The following RELL1 variants were observed in gnomAD, a reference collection of about 807,000 sequenced individuals.
RELL1 encodes RELT like 1.
Under a neutral mutation model 23.0 loss-of-function variants are expected in RELL1, and 10 were observed. That is an observed-to-expected ratio of 0.43 (90% CI 0.27 to 0.74). RELL1 has a LOEUF of 0.74. Among genes scored for constraint, RELL1 ranks in the 30% least tolerant of loss-of-function variants. The probability of loss-of-function intolerance (pLI) is 0.19; values close to 1 mark genes in which losing one functional copy is unlikely to be tolerated. For synonymous variants in RELL1, 146 were observed against 146.8 expected (o/e 0.99, Z 0.04); for missense variants, 315 against 364.4 (o/e 0.86, Z 1.10).
intron 6 of RELL1, among the ~76,000 whole-genome samples, chr4:37,598,724 AC>A (rs1373251659): frequency 6.6e-6 from 1 of 151,862 alleles, no homozygotes; most frequent in African/African-American, 2.4e-5. Flanking sequence ...TCGCTCTGTC[AC>A]CCAGGCTGGA....
chr4:37,651,057 CAA>C (rs370325360), intron 1 of RELL1, among the ~76,000 whole-genome samples: 3,410 of 120,728 alleles, frequency 0.028, 104 homozygotes, highest in African/African-American at 0.093. Flanking sequence ...AAGACTGTCT[CAA>C]AAAAAAAAAA....
chr4:37,615,667 C>T (rs1002691287), intron 6 of RELL1, among the ~76,000 whole-genome samples: 6 of 152,204 alleles, frequency 3.9e-5, no homozygotes, highest in Non-Finnish European at 8.8e-5. Context: ...ACAGTTTACA[C>T]AAGTGAGTAC....
intron 5 of RELL1, among the ~76,000 whole-genome samples, chr4:37,633,632 A>G (rs983528159): frequency 6.6e-6 from 1 of 152,176 alleles, no homozygotes; most frequent in Non-Finnish European, 1.5e-5. Context: ...CAGCCCTGCA[A>G]GTCTTCTCCA....
At chr4:37,588,354 T>G (rs139316354), downstream of RELL1, 180 of 155,032 alleles carry the variant, frequency 1.2e-3, 1 homozygote, top group East Asian at 0.011. Flanking sequence ...GCCTGAATCA[T>G]GGGACACAAT....
At chr4:37,635,222 G>GAA in intron 4 of RELL1, 99 bp from the exon 5 acceptor site, 15 of 861,048 alleles carry the variant, frequency 1.7e-5, no homozygotes, top group Non-Finnish European at 2.5e-5. Flanking sequence ...TAAATTGAAA[G>GAA]AAAAAAAAAA....
chr4:37,605,462 G>C lies in RELL1; in HGVS notation c.*4-14245C>G, dbSNP rs539465433. Among the ~76,000 whole-genome samples, 125 of 152,146 alleles carry C rather than the reference G, an allele frequency of 8.2e-4. 5 individuals are homozygous for C. Among genetic ancestry groups the C allele is most frequent in the Non-Finnish European group, 2.2e-4 (15 of 68,008 alleles). On this transcript the variant is annotated intron_variant, in intron 6 of 6. Transcript: ENST00000314117. ...TTGTGGTGCCAGAAAGTAATAAAGG[G>C]CTTTCAAAAAAGAAAGGACCTGTAA... is the stretch of plus-strand genomic sequence containing the variant.
chr4:37,664,104 G>A (rs931874139), intron 1 of RELL1, among the ~76,000 whole-genome samples: 4 of 152,106 alleles, frequency 2.6e-5, no homozygotes, highest in Non-Finnish European at 5.9e-5. Context: ...TCGACCGGGC[G>A]CAGTGGCTCA....
At chr4:37,660,904 G>A (rs6531564) in intron 1 of RELL1, among the ~76,000 whole-genome samples, 3 of 151,854 alleles carry the variant, frequency 2.0e-5, no homozygotes, top group Non-Finnish European at 2.9e-5. Flanking sequence ...GGTGGCGGGC[G>A]CCTGTTGTCC....
In RELL1 at chr4:37,611,734, A is replaced by C. The variant is rs943653707; in HGVS notation, c.*1612T>G. ...GTTTTGTAAAATGTACAGTTATAAA[A>C]AAAAAAAAGAAAAAGAAAAGTTTGC... On this transcript the variant is annotated 3_prime_UTR_variant, in exon 7 of 7. Coordinates refer to ENST00000454158, the MANE Select transcript of RELL1 (RefSeq NM_001085400.2). 3.0e-4 allele frequency among the ~76,000 whole-genome samples: 45 copies of C among 150,416 alleles called. No homozygotes were observed. The highest frequency in any genetic ancestry group is 1.1e-3 in the African/African-American group (44 of 39,840).
At chr4:37,656,542 C>T (rs1721124518) in intron 1 of RELL1, among the ~76,000 whole-genome samples, 1 of 152,174 alleles carries the variant, frequency 6.6e-6, no homozygotes, top group Non-Finnish European at 1.5e-5. Flanking sequence ...AACAAACAAC[C>T]TGCTATAGTT....
At chr4:37,672,912 G>A (rs1160893257) in intron 1 of RELL1, among the ~76,000 whole-genome samples, 1 of 152,178 alleles carries the variant, frequency 6.6e-6, no homozygotes, top group Non-Finnish European at 1.5e-5. Flanking sequence ...GGAAGGAGAA[G>A]TAAACAAGGA....
intron 3 of RELL1, among the ~76,000 whole-genome samples, chr4:37,639,341 G>A (rs1442050707): frequency 1.1e-4 from 14 of 125,724 alleles, no homozygotes; most frequent in East Asian, 2.3e-4. Flanking sequence ...CAGACATCAC[G>A]CCACTGCACT....
Position 37,604,287 on chromosome 4 carries a change from G to A in RELL1, c.*4-13070C>T, listed in dbSNP as rs1719092023. On this transcript the variant is annotated intron_variant, in intron 6 of 6. Coordinates refer to the RELL1 transcript ENST00000314117. ...CATTCTACATTACACATGTACTAGAGGGGATATCAAAAAGGCCAATTAACC... is the reference window on the plus strand; with the variant it reads ...CATTCTACATTACACATGTACTAGAAGGGATATCAAAAAGGCCAATTAACC... 2.0e-5 allele frequency among the ~76,000 whole-genome samples: 3 copies of A among 152,152 alleles called. No homozygotes were observed. In the South Asian group the frequency reaches 6.2e-4, roughly 32 times the overall value.
rs370893535 is a variant in RELL1 at position 37,634,868 on chromosome 4, G to A, written c.680+19C>T. The A allele has an allele frequency of 1.9e-6, 3 of 1,608,312 alleles. No individual in the cohort carries two copies. The African/African-American group carries it at 4.0e-5, about 21-fold the overall frequency. The stretch of plus-strand genomic sequence containing the variant: ...CACCCATGTCACACACAAACCAAAA[G>A]CATCTGAAGGGATCTTACCTGCCAA... On this transcript the variant is annotated intron_variant, in intron 5 of 6. Transcript: ENST00000454158.
Position 37,611,425 on chromosome 4 carries a change from C to T in RELL1, c.*1921G>A, listed in dbSNP as rs2109228500. On this transcript the variant is annotated 3_prime_UTR_variant, in exon 7 of 7. Transcript: ENST00000454158. The stretch of plus-strand genomic sequence containing the variant: ...AAAATTCTCATGAAACTAAATTCCC[C>T]ATTTATTTAAAAGGTTAGAAATGTT... 6.6e-6 allele frequency among the ~76,000 whole-genome samples: 1 copy of T among 152,240 alleles called. No homozygotes were observed. Among genetic ancestry groups the T allele is most frequent in the East Asian group, 1.9e-4 (1 of 5,184 alleles).
chr4:37,649,753 C>G (rs1324427084), intron 1 of RELL1, among the ~76,000 whole-genome samples: 1 of 152,230 alleles, frequency 6.6e-6, no homozygotes, highest in African/African-American at 2.4e-5. Flanking sequence ...ACAGCTTCTT[C>G]TTCATTGTGG....
chr4:37,624,438 G>A (rs866726139), intron 6 of RELL1, among the ~76,000 whole-genome samples: 7 of 70,312 alleles, frequency 1.0e-4, no homozygotes, highest in African/African-American at 3.9e-4. Context: ...TTTTTTTTTT[G>A]AGGCAGAGTC....
Position 37,611,907 on chromosome 4 carries a change from G to A in RELL1, c.*1439C>T, listed in dbSNP as rs1719396265. On this transcript the variant is annotated 3_prime_UTR_variant, in exon 7 of 7. Coordinates refer to ENST00000454158, the MANE Select transcript of RELL1 (RefSeq NM_001085400.2). Reference sequence around the variant, plus strand: ...AGCAGGGTTCTAGGCCGGGCGCAGTGGCTCAAGCCTGTAATCCCAGAACTT... The same window carrying A: ...AGCAGGGTTCTAGGCCGGGCGCAGTAGCTCAAGCCTGTAATCCCAGAACTT... 6.6e-6 allele frequency among the ~76,000 whole-genome samples: 1 copy of A among 152,084 alleles called. No individual in the cohort carries two copies. The highest frequency in any genetic ancestry group is 6.5e-5 in the Admixed American group (1 of 15,274).
chr4:37,671,337 G>A (rs913881131), intron 1 of RELL1, among the ~76,000 whole-genome samples: 1 of 152,204 alleles, frequency 6.6e-6, no homozygotes, highest in Non-Finnish European at 1.5e-5. Context: ...CATTCCAGGA[G>A]GTTAGGCATT....
Sources: gnomAD v4.1 joint callset for allele counts (sites outside exome capture counted in the v4.1 genomes callset) on GRCh38, gnomAD v4.1.1 for gene constraint, MANE v1.5 for transcripts, NCBI Gene and HGNC (gene_info 2026-07-23, HGNC 2026-07-21) for gene names.